The following SH3BP1 variants were observed in gnomAD, a reference collection of about 807,000 sequenced individuals.
SH3BP1 encodes SH3 domain binding protein 1.
A neutral mutation model predicts 69.8 loss-of-function variants in SH3BP1; 46 were observed. The ratio of observed to expected loss-of-function variants is 0.66; its 90% CI spans 0.52 to 0.84. The LOEUF is 0.84. Among genes scored for constraint, SH3BP1 ranks in the 40% least tolerant of loss-of-function variants. SH3BP1 has a pLI of 0.00. For missense variants in SH3BP1, 868 were observed against 930.9 expected (o/e 0.93, Z 0.88); for synonymous variants, 403 against 378.0 (o/e 1.07, Z -0.77).
chr22:37,641,451 G>T lies in SH3BP1; in HGVS notation c.180G>T (p.Gln60His), dbSNP rs1465069037. Reference protein sequence around the residue: ...HKRLQACLQGQSGADMDKRVK... With the variant: ...HKRLQACLQGHSGADMDKRVK... The stretch of plus-strand genomic sequence containing the variant: ...GGCTGCAGGCCTGTCTGCAGGGCCA[G>T]AGCGGGGCAGACATGGACAAGCGGG... Residue 60 changes from glutamine to histidine, a missense_variant, in exon 3 of 18, where the codon CAG becomes CAT. Physicochemically the swap from Gln to His is conservative, Grantham distance 24 (BLOSUM62 0). Coordinates refer to ENST00000649765, the MANE Select transcript of SH3BP1 (RefSeq NM_018957.6). 6 of 1,551,140 alleles carry T rather than the reference G, an allele frequency of 3.9e-6. No individual in the cohort carries two copies. Among genetic ancestry groups the T allele is most frequent in the Non-Finnish European group, 5.2e-6 (6 of 1,147,126 alleles).
chr22:37,645,850 A>T (rs1003285455), intron 10 of SH3BP1, among the ~76,000 whole-genome samples: 1 of 152,120 alleles, frequency 6.6e-6, no homozygotes, highest in African/African-American at 2.4e-5. Context: ...TCTGCTGTGA[A>T]TACATTGCCC....
intron 14 of SH3BP1, 45 bp downstream of exon 14, chr22:37,648,480 C>G: frequency 7.8e-7 from 1 of 1,284,372 alleles, no homozygotes; most frequent in South Asian, 1.3e-5. Flanking sequence ...GAAGGCAGAT[C>G]CCATCCCAAC....
chr22:37,648,616 A>G, intron 14 of SH3BP1, 181 bp downstream of exon 14: 1 of 540,720 alleles, frequency 1.8e-6, no homozygotes, highest in South Asian at 2.2e-5. Flanking sequence ...AGGGCTTTGG[A>G]GAGAGGCAAT....
At chr22:37,648,517 C>T in intron 14 of SH3BP1, 82 bp downstream of exon 14, 1 of 954,504 alleles carries the variant, frequency 1.0e-6, no homozygotes, top group Non-Finnish European at 1.6e-6. Flanking sequence ...TTCCCCGGGG[C>T]CTTGGTGTCC....
chr22:37,649,863 G>A, intron 14 of SH3BP1: 1 of 525,294 alleles, frequency 1.9e-6, no homozygotes, highest in South Asian at 2.0e-5. Context: ...CCTGGCCACA[G>A]ATGGCAAGAT....
At position 37,641,383 on chromosome 22, in the gene SH3BP1, C is replaced by A; in HGVS notation, c.112C>A (p.Arg38=). 6.4e-7 allele frequency: 1 copy of A among 1,550,822 alleles called. No homozygotes were observed. Among genetic ancestry groups the A allele is most frequent in the Non-Finnish European group, 8.7e-7 (1 of 1,146,984 alleles). ...LGEDLLQVEQ[R]LEPAKRAAHN... is the part of the protein sequence containing the mutation. ...CATACCTCCTTCCCAGGTAGAACAG[C>A]GGCTGGAGCCGGCCAAGCGGGCAGC... Residue 38 remains arginine (R), a synonymous_variant, in exon 3 of 18, where the codon CGG becomes AGG. Coordinates refer to ENST00000649765, the MANE Select transcript of SH3BP1 (RefSeq NM_018957.6).
chr22:37,642,178 T>C, intron 3 of SH3BP1: 1 of 293,602 alleles, frequency 3.4e-6, no homozygotes, highest in South Asian at 4.1e-5. Flanking sequence ...GTCAGCCATA[T>C]ATACCCTGGG....
chr22:37,650,895 G>A (rs1005893614), intron 16 of SH3BP1, 170 bp downstream of exon 16: 45 of 830,644 alleles, frequency 5.4e-5, no homozygotes, highest in East Asian at 2.6e-4. Flanking sequence ...ACTCAGAGGC[G>A]GAATTTGTCT....
rs373723635 is a variant in SH3BP1 at position 37,655,575 on chromosome 22, G to C, written c.1997G>C (p.Gly666Ala). 30 of 1,593,520 alleles carry C rather than the reference G, an allele frequency of 1.9e-5. No homozygotes were observed. Among genetic ancestry groups the C allele is most frequent in the Middle Eastern group, 1.7e-4 (1 of 6,004 alleles). ...AGTAACCCTGCACAGGTGGACCTGGGGGCTGCCACAGCAGAGGGAGGAGCC... is the reference window on the plus strand; with the variant it reads ...AGTAACCCTGCACAGGTGGACCTGGCGGCTGCCACAGCAGAGGGAGGAGCC... ...SLSNPAQVDL[G>A]AATAEGGAPE... Residue 666 changes from glycine (G) to alanine (A), a missense_variant, in exon 18 of 18, where the codon GGG becomes GCG. This residue lies in a region of SH3BP1 where 474 missense variants were observed against 462.3 expected (regional missense o/e 1.03). Coordinates refer to ENST00000649765, the MANE Select transcript of SH3BP1 (RefSeq NM_018957.6).
intron 1 of SH3BP1, 36 bp downstream of exon 1, chr22:37,639,882 C>G: frequency 6.9e-7 from 1 of 1,445,358 alleles, no homozygotes; most frequent in East Asian, 2.9e-5. Context: ...ACTCTTACCC[C>G]GGCAGGACTT....
At chr22:37,647,048 G>A (rs905909241) in intron 11 of SH3BP1, 119 bp downstream of exon 11, 11 of 775,468 alleles carry the variant, frequency 1.4e-5, no homozygotes, top group Admixed American at 5.8e-5. Context: ...GAGGACACTC[G>A]GGTTCTTAAT....
Position 37,641,387 on chromosome 22 carries a change from T to C in SH3BP1, c.116T>C (p.Leu39Pro). Residue 39 changes from leucine (L) to proline (P), a missense_variant, in exon 3 of 18, where the codon CTG becomes CCG. Physicochemically the swap from Leu to Pro is moderately conservative, Grantham distance 98 (BLOSUM62 -3). Transcript: ENST00000649765. The part of the protein sequence containing the change: ...GEDLLQVEQR[L>P]EPAKRAAHNI... ...CCTCCTTCCCAGGTAGAACAGCGGCTGGAGCCGGCCAAGCGGGCAGCCCAC... is the reference window on the plus strand; with the variant it reads ...CCTCCTTCCCAGGTAGAACAGCGGCCGGAGCCGGCCAAGCGGGCAGCCCAC... 6.4e-7 allele frequency: 1 copy of C among 1,550,890 alleles called. No homozygotes were observed. The highest frequency in any genetic ancestry group is 2.4e-5 in the East Asian group (1 of 40,928).
intron 11 of SH3BP1, among the ~76,000 whole-genome samples, 154 bp from the exon 12 acceptor site, chr22:37,647,113 T>C (rs1409589684): frequency 1.3e-5 from 2 of 152,324 alleles, no homozygotes; most frequent in Admixed American, 6.5e-5. Flanking sequence ...GGGGACAAGA[T>C]GGCTAGCCTT....
chr22:37,648,486 C>A, intron 14 of SH3BP1, 51 bp downstream of exon 14: 2 of 1,249,890 alleles, frequency 1.6e-6, no homozygotes, highest in Non-Finnish European at 2.3e-6. Context: ...AGATCCCATC[C>A]CAACTATCTG....
At chr22:37,652,309 CA>C (rs138706015) in intron 16 of SH3BP1, among the ~76,000 whole-genome samples, 6,071 of 69,088 alleles carry the variant, frequency 0.088, 324 homozygotes, top group African/African-American at 0.24. Flanking sequence ...GACTCCGTCT[CA>C]AAAAAAAAAA....
intron 9 of SH3BP1, 195 bp downstream of exon 9, chr22:37,645,155 C>T: frequency 1.2e-6 from 1 of 826,790 alleles, no homozygotes; most frequent in Non-Finnish European, 1.9e-6. Context: ...TAGAGCCAGG[C>T]CTGTGAGGCA....
chr22:37,648,674 G>A (rs367971057), intron 14 of SH3BP1: 283 of 467,240 alleles, frequency 6.1e-4, no homozygotes, highest in African/African-American at 4.1e-3. Context: ...GTGGCATGGG[G>A]GAGCTGGGAG....
intron 3 of SH3BP1, 86 bp from the exon 4 acceptor site, chr22:37,642,453 C>T (rs1601580843): frequency 7.1e-7 from 1 of 1,412,948 alleles, no homozygotes; most frequent in Non-Finnish European, 9.9e-7. Context: ...GGGTTCCCTC[C>T]TCCCCTGCCC....
At chr22:37,650,276 C>G (rs757158142) in intron 15 of SH3BP1, 27 bp downstream of exon 15, 27 of 1,573,412 alleles carry the variant, frequency 1.7e-5, no homozygotes, top group Non-Finnish European at 2.3e-5. Context: ...CATGGACGCC[C>G]TGCTGGGTGC....
Sources: allele counts gnomAD v4.1 joint callset (sites outside exome capture counted in the v4.1 genomes callset), GRCh38; gene constraint gnomAD v4.1.1; regional missense constraint gnomAD v4.1.1; transcripts MANE v1.5; gene names NCBI Gene and HGNC (gene_info 2026-07-23, HGNC 2026-07-21).